Variants in TAFA5 observed in about 807,000 individuals in gnomAD.
TAFA5 encodes TAFA chemokine like family member 5.
Under a neutral mutation model 15.3 loss-of-function variants are expected in TAFA5, and 6 were observed. The ratio of observed to expected loss-of-function variants is 0.39; its 90% CI spans 0.21 to 0.77. The LOEUF is 0.77. Ranked by LOEUF, TAFA5 falls within the 30% of genes least tolerant of loss-of-function variation. The pLI is 0.41. For synonymous variants in TAFA5, 103 were observed against 80.7 expected (o/e 1.28, Z -1.48); for missense variants, 161 against 193.1 (o/e 0.83, Z 0.98).
At chr22:48,499,600 G>T (rs1601835345) in intron 1 of TAFA5, among the ~76,000 whole-genome samples, 2 of 152,308 alleles carry the variant, frequency 1.3e-5, no homozygotes, top group Admixed American at 6.5e-5. Flanking sequence ...TCCGCAGGGG[G>T]GTGGCGCCGG....
Position 48,654,071 on chromosome 22 carries a change from G to A in TAFA5, c.262+7325G>A, listed in dbSNP as rs540915198. On this transcript the variant is annotated intron_variant, in intron 2 of 3. Coordinates refer to ENST00000402357, the MANE Select transcript of TAFA5 (RefSeq NM_001082967.3). ...TCTCCATGTCCCGTCACGTCGGCAC[G>A]GTGGCTCTGCAGGGAGGGTCCTGTC... 6.4e-4 allele frequency among the ~76,000 whole-genome samples: 97 copies of A among 152,050 alleles called. 1 individual carries two copies. The South Asian group carries it at 0.018, about 28-fold the overall frequency.
chr22:48,725,544 C>G (rs1281079599), intron 3 of TAFA5, among the ~76,000 whole-genome samples: 1 of 151,908 alleles, frequency 6.6e-6, no homozygotes, highest in Non-Finnish European at 1.5e-5. Context: ...GAGGCAGGAC[C>G]TGGAACGAAG....
chr22:48,649,284 C>T (rs1005386453), intron 2 of TAFA5, among the ~76,000 whole-genome samples: 1 of 152,328 alleles, frequency 6.6e-6, no homozygotes, highest in East Asian at 1.9e-4. Context: ...ACCTGTCTAT[C>T]TTCCCTAGAC....
At chr22:48,582,450 T>TACCACACACAAAATAC (rs1371752715) in intron 1 of TAFA5, among the ~76,000 whole-genome samples, 3 of 48,448 alleles carry the variant, frequency 6.2e-5, no homozygotes, top group East Asian at 6.4e-4. Context: ...ATACACCACA[T>TACCACACACAAAATAC]ACCACACACA....
chr22:48,724,179 G>A (rs1006057489), intron 3 of TAFA5, among the ~76,000 whole-genome samples: 19 of 152,204 alleles, frequency 1.2e-4, no homozygotes, highest in Admixed American at 9.8e-4. Flanking sequence ...GAGAGACTCG[G>A]GGTTCTCGTT....
At chr22:48,735,205 C>A (rs936959223) in intron 3 of TAFA5, among the ~76,000 whole-genome samples, 2 of 152,162 alleles carry the variant, frequency 1.3e-5, no homozygotes, top group African/African-American at 4.8e-5. Flanking sequence ...AGCTGGGATC[C>A]TACCAAGGAG....
At chr22:48,548,422 A>G (rs1239859260) in intron 1 of TAFA5, among the ~76,000 whole-genome samples, 1 of 151,896 alleles carries the variant, frequency 6.6e-6, no homozygotes, top group Non-Finnish European at 1.5e-5. Context: ...ATTTTTTGAG[A>G]TTGGGTGCCT....
intron 1 of TAFA5, among the ~76,000 whole-genome samples, chr22:48,569,245 G>A (rs916940178): frequency 9.9e-5 from 15 of 152,234 alleles, no homozygotes; most frequent in Non-Finnish European, 2.1e-4. Flanking sequence ...GCCACGGGCC[G>A]TGGATACTCA....
chr22:48,579,984 G>C (rs562051284), intron 1 of TAFA5, among the ~76,000 whole-genome samples: 1 of 152,230 alleles, frequency 6.6e-6, no homozygotes, highest in Non-Finnish European at 1.5e-5. Context: ...TGGCAGGGGA[G>C]TGCATTCGAC....
chr22:48,612,629 G>A (rs539204712), intron 1 of TAFA5, among the ~76,000 whole-genome samples: 2 of 152,134 alleles, frequency 1.3e-5, no homozygotes, highest in South Asian at 4.1e-4. Flanking sequence ...CCCGTTCCCC[G>A]CGTGTCTCCC....
At chr22:48,634,135 C>CATTT (rs548153734) in intron 1 of TAFA5, among the ~76,000 whole-genome samples, 13,406 of 151,792 alleles carry the variant, frequency 0.088, 658 homozygotes, top group East Asian at 0.18. Context: ...CTCACTCACT[C>CATTT]ACTCACTCAT....
intron 1 of TAFA5, chr22:48,576,563 T>C: frequency 1.3e-6 from 2 of 1,504,238 alleles, no homozygotes; most frequent in Non-Finnish European, 1.8e-6. Flanking sequence ...GCGCAGTTCC[T>C]CAAAGAAGGT....
chr22:48,496,561 C>T (rs771790409), intron 1 of TAFA5, among the ~76,000 whole-genome samples: 1 of 152,180 alleles, frequency 6.6e-6, no homozygotes, highest in East Asian at 1.9e-4. Flanking sequence ...GGACGCCTGA[C>T]CAGCTGTGGG....
chr22:48,697,334 ACAGTGGTGATGATG>A (rs1321855191), intron 2 of TAFA5, among the ~76,000 whole-genome samples: 1 of 150,766 alleles, frequency 6.6e-6, no homozygotes, highest in Non-Finnish European at 1.5e-5. Context: ...GGTTATGGTG[ACAGTGGTGATGATG>A]ATGATGATGA....
chr22:48,559,050 G>A (rs1326404365), intron 1 of TAFA5, among the ~76,000 whole-genome samples: 1 of 152,206 alleles, frequency 6.6e-6, no homozygotes, highest in Non-Finnish European at 1.5e-5. Flanking sequence ...TTAGGAAAGA[G>A]GCGTGAGGGA....
At position 48,742,939 on chromosome 22, in the gene TAFA5, C is replaced by A. The variant is rs867624127; in HGVS notation, c.391-6900C>A. 6.6e-6 allele frequency among the ~76,000 whole-genome samples: 1 copy of A among 152,168 alleles called. No homozygotes were observed. Among genetic ancestry groups the A allele is most frequent in the African/African-American group, 2.4e-5 (1 of 41,434 alleles). On this transcript the variant is annotated intron_variant, in intron 3 of 3. Transcript: ENST00000402357. The surrounding 1 kb of genome is among the most constrained non-coding windows in gnomAD (Gnocchi z 6.2). ...ACAGTGCGGACATGTTGGGGCAATG[C>A]TGCCTGGCCCCGCCCTCAGCCCAGC... is the stretch of plus-strand genomic sequence containing the variant.
chr22:48,579,263 C>T (rs1449712532), intron 1 of TAFA5, among the ~76,000 whole-genome samples: 1 of 152,202 alleles, frequency 6.6e-6, no homozygotes, highest in African/African-American at 2.4e-5. Flanking sequence ...CTGCCCACCG[C>T]ACCAGGCCTG....
intron 1 of TAFA5, among the ~76,000 whole-genome samples, chr22:48,633,268 C>T (rs1926298737): frequency 6.6e-6 from 1 of 152,224 alleles, no homozygotes; most frequent in African/African-American, 2.4e-5. Context: ...CCCACCACGG[C>T]AGGGAGAGTG....
chr22:48,591,151 T>A (rs867426520), intron 1 of TAFA5, among the ~76,000 whole-genome samples: 2 of 152,250 alleles, frequency 1.3e-5, no homozygotes, highest in African/African-American at 4.8e-5. Context: ...TTTATCTTAG[T>A]TGAAACACAC....
Sources: gnomAD v4.1 joint callset for allele counts (sites outside exome capture counted in the v4.1 genomes callset) on GRCh38, gnomAD v4.1.1 for gene constraint, Gnocchi (gnomAD v3.1) non-coding constraint, MANE v1.5 for transcripts, NCBI Gene and HGNC (gene_info 2026-07-23, HGNC 2026-07-21) for gene names.